The following SHANK2 variants were observed in gnomAD, a reference collection of about 807,000 sequenced individuals.
The protein encoded by SHANK2 is SH3 and multiple ankyrin repeat domains protein 2.
Under a neutral mutation model 133.7 loss-of-function variants are expected in SHANK2, and 43 were observed. The observed-to-expected ratio is 0.32, with a 90% CI of 0.25 to 0.41. The LOEUF (loss-of-function observed/expected upper bound fraction) is 0.41, where lower values mean the gene tolerates loss of function less well. Among genes scored for constraint, SHANK2 ranks in the 10% least tolerant of loss-of-function variants. The pLI is 1.00. For synonymous variants in SHANK2, 1,017 were observed against 952.8 expected, an observed-to-expected ratio of 1.07 and a Z score of -1.24; for missense variants, 1,994 against 2,235.8, an observed-to-expected ratio of 0.89 and a Z score of 2.18.
intron 2 of SHANK2, among the ~76,000 whole-genome samples, chr11:71,179,050 GATT>G (rs1417938991): frequency 2.0e-5 from 3 of 152,040 alleles, no homozygotes; most frequent in African/African-American, 7.3e-5. Context: ...AAAATTGGAG[GATT>G]ATATTTTTTT....
At chr11:70,685,988 CATCT>C (rs535754772) in intron 15 of SHANK2, among the ~76,000 whole-genome samples, 18 of 152,042 alleles carry the variant, frequency 1.2e-4, no homozygotes, top group African/African-American at 2.7e-4. Context: ...CTCATCCATC[CATCT>C]GTCTACCCAT....
intron 2 of SHANK2, among the ~76,000 whole-genome samples, chr11:71,216,757 G>A (rs904117532): frequency 6.6e-6 from 1 of 152,178 alleles, no homozygotes; most frequent in African/African-American, 2.4e-5. Flanking sequence ...GATGCTGCTG[G>A]CCTAAACAGA....
intron 2 of SHANK2, among the ~76,000 whole-genome samples, chr11:71,221,774 C>T (rs561510692): frequency 1.3e-5 from 2 of 152,074 alleles, no homozygotes; most frequent in Non-Finnish European, 2.9e-5. Context: ...GGGAGGTGAT[C>T]GGTAGACAAG....
intron 17 of SHANK2, among the ~76,000 whole-genome samples, chr11:70,520,226 A>T (rs1347328466): frequency 2.0e-5 from 3 of 152,150 alleles, no homozygotes; most frequent in African/African-American, 7.2e-5. Context: ...TATTTCATTA[A>T]CTAAAGCCCA....
At chr11:70,819,621 T>A (rs1948475527) in intron 12 of SHANK2, among the ~76,000 whole-genome samples, 1 of 151,998 alleles carries the variant, frequency 6.6e-6, no homozygotes, top group South Asian at 2.1e-4. Context: ...CCGAATGGGG[T>A]GCTGGGCAGG....
chr11:71,060,291 A>G (rs1220613343), intron 9 of SHANK2, among the ~76,000 whole-genome samples: 1 of 152,198 alleles, frequency 6.6e-6, no homozygotes. Flanking sequence ...CCAAACCTCA[A>G]TAAAGCTGAG....
At chr11:70,599,039 T>C (rs1282008486) in intron 17 of SHANK2, among the ~76,000 whole-genome samples, 5 of 151,338 alleles carry the variant, frequency 3.3e-5, no homozygotes, top group Non-Finnish European at 7.4e-5. Context: ...CAGCATTTTA[T>C]TGCAGGTCCT....
chr11:70,513,029 C>T (rs1040536443), intron 17 of SHANK2, among the ~76,000 whole-genome samples: 1 of 152,146 alleles, frequency 6.6e-6, no homozygotes, highest in Non-Finnish European at 1.5e-5. Flanking sequence ...GTACAATCCC[C>T]ACCCCCAAAC....
chr11:70,807,494 G>T lies in SHANK2; in HGVS notation c.1494-323C>A, dbSNP rs1204042116. Among the ~76,000 whole-genome samples the T allele has an allele frequency of 2.6e-5, 4 of 152,164 alleles. No homozygotes were observed. The highest frequency in any genetic ancestry group is 2.6e-4 in the Admixed American group (4 of 15,276). ...TCCACAGAATGGAGAGACACAGGGT[G>T]GTCCAAACATACAATGGAACGCTGT... On this transcript the variant is annotated intron_variant, in intron 12 of 25. Transcript: ENST00000601538. The surrounding 1 kb of genome is among the most constrained non-coding windows in gnomAD (Gnocchi z 4.8).
At chr11:70,489,249 T>G in intron 24 of SHANK2, 79 bp downstream of exon 24, 1 of 1,375,802 alleles carries the variant, frequency 7.3e-7, no homozygotes, top group Non-Finnish European at 1.0e-6. Flanking sequence ...TCCCAAGGAG[T>G]ACTAATTTAA....
intron 17 of SHANK2, 52 bp from the exon 18 acceptor site, chr11:70,502,983 C>T: frequency 1.9e-6 from 3 of 1,604,996 alleles, no homozygotes; most frequent in South Asian, 1.1e-5. Flanking sequence ...GAGAGGAAGA[C>T]AGTTGGCACC....
intron 17 of SHANK2, among the ~76,000 whole-genome samples, chr11:70,614,385 A>G (rs2060710257): frequency 6.7e-6 from 1 of 149,788 alleles, no homozygotes; most frequent in Non-Finnish European, 1.5e-5. Context: ...ATCTCAGCTC[A>G]CTGTAACCTC....
intron 11 of SHANK2, among the ~76,000 whole-genome samples, chr11:70,848,169 CA>C (rs1949025554): frequency 6.6e-6 from 1 of 152,260 alleles, no homozygotes; most frequent in South Asian, 2.1e-4. Context: ...GGCTTAGCGA[CA>C]GCAATCTTAT....
chr11:71,141,249 T>C (rs1316080697), intron 3 of SHANK2, among the ~76,000 whole-genome samples: 1 of 152,070 alleles, frequency 6.6e-6, no homozygotes, highest in African/African-American at 2.4e-5. Flanking sequence ...TGACAGCAGT[T>C]TGGGAGATCG....
At chr11:70,566,543 G>C (rs1941755) in intron 17 of SHANK2, 115,149 of 152,146 alleles carry the variant, frequency 0.76, 43,880 homozygotes, top group East Asian at 0.9. Context: ...TGTCTGAACC[G>C]CAACATGGTT....
chr11:70,614,887 G>A (rs1180522596), intron 17 of SHANK2, among the ~76,000 whole-genome samples: 1 of 152,216 alleles, frequency 6.6e-6, no homozygotes, highest in Non-Finnish European at 1.5e-5. Flanking sequence ...CCCCATGGCC[G>A]TGTTAGAGGT....
rs561940036 is a variant in SHANK2, at chr11:70,700,051, G to T, written c.1778-1288C>A. ...GGGTCTCTGTGCCCTGGACTCTTAC[G>T]TAAGCAAGAGTTTCATTTCTACCAC... is the stretch of plus-strand genomic sequence containing the variant. On this transcript the variant is annotated intron_variant, in intron 14 of 25. Coordinates refer to ENST00000601538, the MANE Select transcript of SHANK2 (RefSeq NM_012309.5). Among the ~76,000 whole-genome samples, 8 of 152,302 alleles carry T rather than the reference G, an allele frequency of 5.3e-5. No homozygotes were observed. In the East Asian group the frequency reaches 1.5e-3, roughly 29 times the overall value.
chr11:71,159,820 C>T (rs527734543), intron 2 of SHANK2, among the ~76,000 whole-genome samples: 1 of 152,092 alleles, frequency 6.6e-6, no homozygotes, highest in East Asian at 1.9e-4. Flanking sequence ...CCTGTCTCTA[C>T]TGAAAATACA....
intron 10 of SHANK2, among the ~76,000 whole-genome samples, chr11:70,898,315 T>C (rs202135728): frequency 3.3e-4 from 31 of 93,232 alleles, no homozygotes; most frequent in African/African-American, 1.0e-3. Flanking sequence ...CACACACATA[T>C]ATATATGTGT....
Sources: gnomAD v4.1 joint callset for allele counts (sites outside exome capture counted in the v4.1 genomes callset) on GRCh38, gnomAD v4.1.1 for gene constraint, Gnocchi (gnomAD v3.1) non-coding constraint, MANE v1.5 for transcripts, NCBI Gene and HGNC (gene_info 2026-07-23, HGNC 2026-07-21) for gene names.